Variants in KANK1 observed in about 807,000 individuals in gnomAD.
KANK1 encodes KN motif and ankyrin repeat domains 1.
A neutral mutation model predicts 106.2 loss-of-function variants in KANK1; 109 were observed. The ratio of observed to expected loss-of-function variants is 1.03; its 90% CI spans 0.88 to 1.20. The LOEUF (loss-of-function observed/expected upper bound fraction) is 1.20, where lower values mean the gene tolerates loss of function less well. Ranked by LOEUF, KANK1 falls within the 50% of genes most tolerant of loss-of-function variation. The probability of loss-of-function intolerance (pLI) is 0.00; values close to 1 mark genes in which losing one functional copy is unlikely to be tolerated. For synonymous variants in KANK1, 873 were observed against 652.2 expected (o/e 1.34, Z -5.16); for missense variants, 2,399 against 1,710.7 (o/e 1.40, Z -7.10).
At chr9:631,142 A>T (rs1441123328) in intron 1 of KANK1, among the ~76,000 whole-genome samples, 1 of 152,088 alleles carries the variant, frequency 6.6e-6, no homozygotes, top group Non-Finnish European at 1.5e-5. Flanking sequence ...TTTGCATTGT[A>T]CCACAAATAT....
chr9:491,292 A>G (rs1235729160), intron 3 of KANK1, among the ~76,000 whole-genome samples: 1 of 145,648 alleles, frequency 6.9e-6, no homozygotes, highest in Middle Eastern at 3.5e-3. Flanking sequence ...TTTTTTAGAC[A>G]GAGTCTTGCT....
intron 1 of KANK1, among the ~76,000 whole-genome samples, chr9:654,845 GAGAT>G (rs1324803588): frequency 2.9e-4 from 41 of 140,558 alleles, no homozygotes; most frequent in East Asian, 1.2e-3. Context: ...GAGAGAGAGA[GAGAT>G]AAAGGGAGGA....
Position 712,413 on chromosome 9 carries a change from C to T in KANK1, c.1647C>T (p.Ile549=). 1.2e-6 allele frequency: 2 copies of T among 1,614,172 alleles called. No individual in the cohort carries two copies. The highest frequency in any genetic ancestry group is 2.2e-5 in the East Asian group (1 of 44,870). The change falls in exon 3 of 12, where the codon ATC becomes ATT. Residue 549 remains isoleucine, a synonymous_variant. Coordinates refer to ENST00000382297, the MANE Select transcript of KANK1 (RefSeq NM_015158.5). ...GTSVETNSVG[I]SCQPECKNKV... is the part of the protein sequence containing the mutation. ...CCGTGGAAACAAACAGTGTAGGCAT[C>T]TCCTGCCAGCCTGAATGTAAGAATA...
At chr9:727,272 G>C (rs75031622) in intron 3 of KANK1, among the ~76,000 whole-genome samples, 5,144 of 152,030 alleles carry the variant, frequency 0.034, 294 homozygotes, top group African/African-American at 0.12. Flanking sequence ...AAGTGATTTT[G>C]AACACAGTTA....
chr9:662,304 T>G (rs1367089272), intron 1 of KANK1, among the ~76,000 whole-genome samples: 2 of 152,192 alleles, frequency 1.3e-5, no homozygotes, highest in Admixed American at 6.5e-5. Context: ...AATGACTTTC[T>G]TCACAAAATT....
At chr9:562,540 G>A (rs577604413) in intron 1 of KANK1, among the ~76,000 whole-genome samples, 1 of 152,180 alleles carries the variant, frequency 6.6e-6, no homozygotes, top group Non-Finnish European at 1.5e-5. Context: ...GAGATTATCA[G>A]CAAAGGGGAT....
intron 1 of KANK1, among the ~76,000 whole-genome samples, chr9:648,193 G>A (rs936854440): frequency 2.0e-5 from 3 of 150,674 alleles, no homozygotes; most frequent in Admixed American, 6.6e-5. Context: ...TAGTAGAGAC[G>A]GGGTGTCATC....
chr9:480,889 G>A (rs2058192378), intron 3 of KANK1, among the ~76,000 whole-genome samples: 3 of 152,336 alleles, frequency 2.0e-5, no homozygotes, highest in South Asian at 4.1e-4. Flanking sequence ...GGACTGGAGA[G>A]GCACAGCCCA....
chr9:636,931 A>G (rs1437283097), intron 1 of KANK1, among the ~76,000 whole-genome samples: 1 of 152,124 alleles, frequency 6.6e-6, no homozygotes, highest in Non-Finnish European at 1.5e-5. Flanking sequence ...TCCCTCAGAG[A>G]CTGTTTTTAA....
intron 1 of KANK1, among the ~76,000 whole-genome samples, chr9:529,067 G>C (rs991550038): frequency 3.3e-5 from 5 of 152,116 alleles, no homozygotes; most frequent in Admixed American, 1.3e-4. Flanking sequence ...CCAGAGTGCT[G>C]GGGTTACAGG....
Position 745,378 on chromosome 9 carries a change from C to T in KANK1, c.*143C>T, listed in dbSNP as rs1359377534. The T allele has an allele frequency of 3.9e-6, 4 of 1,020,832 alleles. No homozygotes were observed. The highest frequency in any genetic ancestry group is 2.9e-5 in the South Asian group (2 of 69,974). The allele number at this position is 1,020,832 out of a possible 1,614,324, so 63.2% of individuals were successfully genotyped here. ...TCAAGCCCAGGGGTAAAGGCTGAAG[C>T]TTTCACAGTGCAGAGACTGCTAGCC... is the stretch of plus-strand genomic sequence containing the variant. On this transcript the variant is annotated 3_prime_UTR_variant, in exon 12 of 12. Coordinates refer to ENST00000382297, the MANE Select transcript of KANK1 (RefSeq NM_015158.5).
chr9:504,625 G>A (rs1268459950), upstream of KANK1: 2 of 149,394 alleles, frequency 1.3e-5, no homozygotes, highest in East Asian at 3.9e-4. Context: ...CGGCGGCCGT[G>A]CGGTTCGGGC....
Position 744,496 on chromosome 9 carries a change from C to A in KANK1, c.3903C>A (p.Gly1301=), listed in dbSNP as rs1836666793. ...TCTTTCCATCTTATCTTAAGGATGG[C>A]AGCACTGCGCTCTCAATCGCCCTGG... ...GCNGHLEDND[G]STALSIALEA... is the part of the protein sequence containing the mutation. The change falls in exon 11 of 12, where the codon GGC becomes GGA. Residue 1301 remains glycine, a synonymous_variant. Transcript: ENST00000382297. 6.2e-7 allele frequency: 1 copy of A among 1,612,760 alleles called. No individual in the cohort carries two copies. The highest frequency in any genetic ancestry group is 1.3e-5 in the African/African-American group (1 of 74,894).
rs1469789609 is a variant in KANK1 at position 572,563 on chromosome 9, A to AT, written c.-84+67817dup. On this transcript the variant is annotated intron_variant, in intron 1 of 11. Transcript: ENST00000382297. Reference sequence around the variant, plus strand: ...CGAGACTCCATCTCAAAAAAAAAAAATTTTTTTTGTAGAGACAGGGTCTCG... The same window carrying AT: ...CGAGACTCCATCTCAAAAAAAAAAAATTTTTTTTTGTAGAGACAGGGTCTCG... Among the ~76,000 whole-genome samples the AT allele has an allele frequency of 3.8e-4, 58 of 151,232 alleles. 1 individual carries two copies. The highest frequency in any genetic ancestry group is 6.8e-4 in the African/African-American group (28 of 41,218).
In KANK1 at chr9:515,134, G is replaced by C. The variant is rs560921779; in HGVS notation, c.-84+10380G>C. Among the ~76,000 whole-genome samples, 2 of 151,672 alleles carry C rather than the reference G, an allele frequency of 1.3e-5. 1 individual carries two copies. Among genetic ancestry groups the C allele is most frequent in the African/African-American group, 4.9e-5 (2 of 40,988 alleles). On this transcript the variant is annotated intron_variant, in intron 1 of 11. Transcript: ENST00000382297. ...AGAGGCGGGTGGATCATGAGGTCAG[G>C]AGATCAAGACCATCCTGGCTAACAC... is the stretch of plus-strand genomic sequence containing the variant.
chr9:514,127 TCTCCCTCC>T (rs146828788), intron 1 of KANK1, among the ~76,000 whole-genome samples: 1 of 84,910 alleles, frequency 1.2e-5, no homozygotes, highest in Non-Finnish European at 2.1e-5. Context: ...TCCCTCTCTC[TCTCCCTCC>T]CTCCCTCCCT....
At chr9:633,900 C>G (rs994101182) in intron 1 of KANK1, among the ~76,000 whole-genome samples, 1 of 152,202 alleles carries the variant, frequency 6.6e-6, no homozygotes. Context: ...ATCCTCTGGC[C>G]TCAGCCTCCC....
intron 1 of KANK1, among the ~76,000 whole-genome samples, chr9:627,919 A>G (rs1278651443): frequency 6.6e-6 from 1 of 152,050 alleles, no homozygotes; most frequent in East Asian, 1.9e-4. Context: ...GGCTTGATTT[A>G]TATACAGCCC....
intron 3 of KANK1, among the ~76,000 whole-genome samples, chr9:491,677 G>A (rs1361271257): frequency 1.3e-5 from 2 of 152,152 alleles, no homozygotes; most frequent in East Asian, 1.9e-4. Flanking sequence ...AAAGGGAAAC[G>A]TCAAACACAA....
Sources: allele counts gnomAD v4.1 joint callset (sites outside exome capture counted in the v4.1 genomes callset), GRCh38; gene constraint gnomAD v4.1.1; transcripts MANE v1.5; gene names NCBI Gene and HGNC (gene_info 2026-07-23, HGNC 2026-07-21).